Variants in TVP23A observed in about 807,000 individuals in gnomAD.
TVP23A encodes the protein Golgi apparatus membrane protein TVP23 homolog A.
A neutral mutation model predicts 31.7 loss-of-function variants in TVP23A; 21 were observed. That is an observed-to-expected ratio of 0.66 (90% CI 0.47 to 0.95). TVP23A has a LOEUF of 0.95. Among genes scored for constraint, TVP23A ranks in the 40% least tolerant of loss-of-function variants. The pLI is 0.00. For missense variants in TVP23A, 279 were observed against 255.6 expected, an observed-to-expected ratio of 1.09 and a Z score of -0.62; for synonymous variants, 104 against 96.0, an observed-to-expected ratio of 1.08 and a Z score of -0.49.
rs554770590 is a variant in TVP23A, at chr16:10,768,758, G to C, written c.*344C>G. On this transcript the variant is annotated 3_prime_UTR_variant, in exon 8 of 8. Transcript: ENST00000299866. The surrounding 1 kb of genome is among the most constrained non-coding windows in gnomAD (Gnocchi z 4.3). ...CTGTGGTCTCTGAGTTTGTGGCTGGGTTTTACTTGCCTAGAAGAATGATGT... is the reference window on the plus strand; with the variant it reads ...CTGTGGTCTCTGAGTTTGTGGCTGGCTTTTACTTGCCTAGAAGAATGATGT... 27 of 334,522 alleles carry C rather than the reference G, an allele frequency of 8.1e-5. No individual in the cohort carries two copies. The Middle Eastern group carries it at 3.2e-3, about 40-fold the overall frequency. The allele number at this position is 334,522 out of a possible 1,614,324, so 20.7% of individuals were successfully genotyped here.
chr16:10,767,691 T>C lies in TVP23A; in HGVS notation c.*1411A>G. On this transcript the variant is annotated 3_prime_UTR_variant, in exon 8 of 8. Transcript: ENST00000299866. The surrounding 1 kb of genome is among the most constrained non-coding windows in gnomAD (Gnocchi z 4.6). The stretch of plus-strand genomic sequence containing the variant: ...CTGGGCCCATGTGGAAGCTGCTGAA[T>C]CAGTTCTCTGTAGGGCCCTGGAACC... The C allele has an allele frequency of 1.9e-6, 1 of 522,420 alleles. No homozygotes were observed. The highest frequency in any genetic ancestry group is 2.6e-5 in the South Asian group (1 of 38,212). 32.4% of individuals were successfully genotyped at this position (522,420 alleles called of 1,614,324 possible). A position where few individuals can be genotyped will look rare whatever the true frequency, so the allele number is the denominator to read the frequency against.
At chr16:10,776,193 G>A (rs1212932291) in intron 2 of TVP23A, among the ~76,000 whole-genome samples, 8 of 151,616 alleles carry the variant, frequency 5.3e-5, no homozygotes, top group Admixed American at 5.3e-4. Context: ...TGGCCAACAT[G>A]GTGAAACCCC....
At chr16:10,808,179 C>A (rs902803226) in intron 2 of TVP23A, among the ~76,000 whole-genome samples, 2 of 152,176 alleles carry the variant, frequency 1.3e-5, no homozygotes, top group Non-Finnish European at 2.9e-5. Context: ...ATAGTGCTTG[C>A]ATATAGTAAG....
chr16:10,818,640 A>C lies in TVP23A; in HGVS notation c.-147T>G. ...GGCCTGCGCCCTGTGGGGCAGCCTC[A>C]GCGCAGCTTCTCGGGTGGGGCGGGG... On this transcript the variant is annotated 5_prime_UTR_variant, in exon 1 of 8. Transcript: ENST00000299866. The surrounding 1 kb of genome is among the most constrained non-coding windows in gnomAD (Gnocchi z 4.7). 2 of 1,026,344 alleles carry C rather than the reference A, an allele frequency of 1.9e-6. No individual in the cohort carries two copies. Among genetic ancestry groups the C allele is most frequent in the Non-Finnish European group, 2.7e-6 (2 of 751,660 alleles). The allele number at this position is 1,026,344 out of a possible 1,614,324, so 63.6% of individuals were successfully genotyped here. A position where few individuals can be genotyped will look rare whatever the true frequency, so the allele number is the denominator to read the frequency against.
rs184462122 is a variant in TVP23A at position 10,773,632 on chromosome 16, G to A, written c.325-191C>T. On this transcript the variant is annotated intron_variant, in intron 4 of 7. Transcript: ENST00000299866. ...GTCACCCAGGCTGGAGTGCAGTGGC[G>A]TGATCTTGGCTCACTGGAACCTCCG... Among the ~76,000 whole-genome samples, 77 of 152,234 alleles carry A rather than the reference G, an allele frequency of 5.1e-4. No individual in the cohort carries two copies. The East Asian group carries it at 0.013, about 25-fold the overall frequency.
chr16:10,793,894 G>T (rs2033240161), intron 2 of TVP23A, among the ~76,000 whole-genome samples: 1 of 89,050 alleles, frequency 1.1e-5, no homozygotes, highest in African/African-American at 5.0e-5. Flanking sequence ...GTGAGACCCT[G>T]TCTCACCAAA....
Position 10,818,352 on chromosome 16 carries a change from C to T in TVP23A, c.9+133G>A. ...CGGCTGCAGTGCAAAGCCCTCTCCA[C>T]CCTCCCGACCACCGGGTGCAGCCCA... is the stretch of plus-strand genomic sequence containing the variant. On this transcript the variant is annotated intron_variant, in intron 1 of 7. Transcript: ENST00000299866. The surrounding 1 kb of genome is among the most constrained non-coding windows in gnomAD (Gnocchi z 4.7). 2 of 1,425,564 alleles carry T rather than the reference C, an allele frequency of 1.4e-6. No homozygotes were observed. The highest frequency in any genetic ancestry group is 9.5e-7 in the Non-Finnish European group (1 of 1,049,090). 88.3% of individuals were successfully genotyped at this position (1,425,564 alleles called of 1,614,324 possible). A position where few individuals can be genotyped will look rare whatever the true frequency, so the allele number is the denominator to read the frequency against.
intron 2 of TVP23A, among the ~76,000 whole-genome samples, chr16:10,778,687 C>T (rs1310122522): frequency 6.6e-6 from 1 of 151,298 alleles, no homozygotes; most frequent in Non-Finnish European, 1.5e-5. Context: ...GATAGAGGGT[C>T]GGGCGCGGTG....
At chr16:10,810,604 C>T (rs1029725259) in intron 2 of TVP23A, among the ~76,000 whole-genome samples, 1 of 151,860 alleles carries the variant, frequency 6.6e-6, no homozygotes, top group Non-Finnish European at 1.5e-5. Context: ...CCTTCCCAAT[C>T]TGGATGGGCA....
chr16:10,774,855 G>A, intron 3 of TVP23A, 97 bp downstream of exon 3: 1 of 1,002,248 alleles, frequency 1.0e-6, no homozygotes, highest in South Asian at 1.5e-5. Flanking sequence ...TCTTAAGCAT[G>A]TCTCAGGAGT....
chr16:10,790,382 T>G (rs898885913), intron 2 of TVP23A, among the ~76,000 whole-genome samples: 3 of 151,250 alleles, frequency 2.0e-5, no homozygotes, highest in Non-Finnish European at 4.4e-5. Context: ...CCTTCCAGGT[T>G]GATGCCATTC....
chr16:10,789,830 CAA>C (rs556556720), intron 2 of TVP23A, among the ~76,000 whole-genome samples: 34 of 88,424 alleles, frequency 3.8e-4, no homozygotes, highest in African/African-American at 6.7e-4. Flanking sequence ...GACTCTGTCT[CAA>C]AAAAAAAAAA....
At chr16:10,792,737 A>C (rs952591949) in intron 2 of TVP23A, among the ~76,000 whole-genome samples, 1 of 152,244 alleles carries the variant, frequency 6.6e-6, no homozygotes, top group African/African-American at 2.4e-5. Flanking sequence ...CCTAGATGCA[A>C]TGTTAGCTCC....
intron 2 of TVP23A, among the ~76,000 whole-genome samples, chr16:10,789,339 G>A (rs996524373): frequency 2.6e-5 from 4 of 151,756 alleles, no homozygotes; most frequent in African/African-American, 4.8e-5. Flanking sequence ...TTCAAAATAC[G>A]ACAAAAAAAT....
chr16:10,818,162 C>T lies in TVP23A; in HGVS notation c.30G>A (p.Glu10=), dbSNP rs1246654766. 3.1e-6 allele frequency: 5 copies of T among 1,607,218 alleles called. No individual in the cohort carries two copies. Among genetic ancestry groups the T allele is most frequent in the Non-Finnish European group, 3.4e-6 (4 of 1,177,132 alleles). Residue 10 remains glutamate (E), a synonymous_variant, in exon 2 of 8, where the codon GAG becomes GAA. Coordinates refer to ENST00000299866, the MANE Select transcript of TVP23A (RefSeq NM_001079512.4). This position sits in a 1 kb window ranked among gnomAD's most constrained non-coding sequence, Gnocchi z 4.7. ...CGTTTCCAAAGTCCAGGGACACATC[C>T]TCGGTATCGTCCACCAGGGCCTGGG... is the stretch of plus-strand genomic sequence containing the variant. MKQALVDDT[E]DVSLDFGNEE...
At chr16:10,782,729 C>T (rs2032500740) in intron 2 of TVP23A, among the ~76,000 whole-genome samples, 1 of 152,066 alleles carries the variant, frequency 6.6e-6, no homozygotes, top group Admixed American at 6.6e-5. Flanking sequence ...GTCTCAAATT[C>T]CTGGGCTCAA....
chr16:10,781,551 G>A (rs2032423955), intron 2 of TVP23A, among the ~76,000 whole-genome samples: 1 of 152,180 alleles, frequency 6.6e-6, no homozygotes, highest in Non-Finnish European at 1.5e-5. Flanking sequence ...TGGAATGTGT[G>A]TGAAAGCCAC....
chr16:10,769,091 C>CTCA lies in TVP23A; in HGVS notation c.*8_*10dup. 1 of 1,613,994 alleles carries CTCA rather than the reference C, an allele frequency of 6.2e-7. No individual in the cohort carries two copies. The highest frequency in any genetic ancestry group is 2.2e-5 in the East Asian group (1 of 44,870). On this transcript the variant is annotated 3_prime_UTR_variant, in exon 8 of 8. Coordinates refer to ENST00000299866, the MANE Select transcript of TVP23A (RefSeq NM_001079512.4). The stretch of plus-strand genomic sequence containing the variant: ...TCTCCATCAGTCAAAAGAAGAGAAC[C>CTCA]TCATCAGTTCCTGAAACGAGAGAAT...
chr16:10,804,605 G>A (rs2033857124), intron 2 of TVP23A, among the ~76,000 whole-genome samples: 1 of 152,190 alleles, frequency 6.6e-6, no homozygotes, highest in Non-Finnish European at 1.5e-5. Flanking sequence ...ACATTAGCCG[G>A]TGTGGTGGTA....
Sources: allele counts gnomAD v4.1 joint callset (sites outside exome capture counted in the v4.1 genomes callset), GRCh38; gene constraint gnomAD v4.1.1; non-coding constraint Gnocchi (gnomAD v3.1); transcripts MANE v1.5; gene names NCBI Gene and HGNC (gene_info 2026-07-23, HGNC 2026-07-21).